CDC42SE2: variants seen among roughly 807,000 people sequenced by gnomAD.
CDC42SE2 encodes CDC42 small effector protein 2.
In CDC42SE2, 3 loss-of-function variants were observed where a neutral mutation model predicts 11.5. That is an observed-to-expected ratio of 0.26 (90% CI 0.12 to 0.67). The LOEUF (loss-of-function observed/expected upper bound fraction) is 0.67, where lower values mean the gene tolerates loss of function less well. CDC42SE2 is among the 30% of genes least tolerant of loss of function. The pLI is 0.80. For missense variants in CDC42SE2, 82 were observed against 106.8 expected (o/e 0.77, Z 1.02); for synonymous variants, 33 against 34.8 (o/e 0.95, Z 0.18).
chr5:131,310,528 T>C (rs1473269884), intron 1 of CDC42SE2, among the ~76,000 whole-genome samples: 2 of 151,990 alleles, frequency 1.3e-5, no homozygotes, highest in African/African-American at 4.8e-5. Flanking sequence ...CATTGATCTG[T>C]CTAATGTTGA....
At chr5:131,253,180 A>G (rs969377407) in intron 1 of CDC42SE2, 1 of 152,266 alleles carries the variant, frequency 6.6e-6, no homozygotes, top group African/African-American at 2.4e-5. Flanking sequence ...ATCCTAAAAA[A>G]AAAGAGAAGC....
intron 2 of CDC42SE2, among the ~76,000 whole-genome samples, chr5:131,257,490 T>G (rs1390771660): frequency 2.0e-5 from 3 of 151,646 alleles, no homozygotes; most frequent in Non-Finnish European, 4.4e-5. Context: ...TTTTTTTTTT[T>G]TTTTTGAGAC....
intron 2 of CDC42SE2, among the ~76,000 whole-genome samples, chr5:131,354,298 AT>A (rs1470175257): frequency 1.3e-5 from 2 of 152,224 alleles, no homozygotes; most frequent in African/African-American, 2.4e-5. Context: ...ACAAATAATT[AT>A]AAAGCAAATA....
intron 2 of CDC42SE2, among the ~76,000 whole-genome samples, chr5:131,330,127 A>G (rs1183697725): frequency 6.6e-6 from 1 of 152,036 alleles, no homozygotes; most frequent in African/African-American, 2.4e-5. Flanking sequence ...AAGCAGCTTT[A>G]TTTACACGTC....
At chr5:131,337,555 C>T (rs529524122) in intron 2 of CDC42SE2, among the ~76,000 whole-genome samples, 1 of 152,336 alleles carries the variant, frequency 6.6e-6, no homozygotes, top group East Asian at 1.9e-4. Flanking sequence ...TGTCTGTGCC[C>T]TGCCCCCAGA....
the CDC42SE2 span, among the ~76,000 whole-genome samples, chr5:131,226,376 A>T: frequency 6.6e-6 from 1 of 152,216 alleles, no homozygotes; most frequent in Non-Finnish European, 1.5e-5. Flanking sequence ...CCCTTAACAA[A>T]TTCCTACACT....
intron 2 of CDC42SE2, among the ~76,000 whole-genome samples, chr5:131,332,115 C>G (rs1353389136): frequency 6.6e-6 from 1 of 152,130 alleles, no homozygotes; most frequent in African/African-American, 2.4e-5. Context: ...TATCCCTCCC[C>G]ACTCCCCCCA....
At chr5:131,385,975 T>G (rs1750469732) in intron 4 of CDC42SE2, among the ~76,000 whole-genome samples, 1 of 152,228 alleles carries the variant, frequency 6.6e-6, no homozygotes, top group African/African-American at 2.4e-5. Flanking sequence ...CCAAAGAGAC[T>G]TGGATATCAG....
intron 1 of CDC42SE2, among the ~76,000 whole-genome samples, chr5:131,304,682 G>A (rs534404391): frequency 1.3e-5 from 2 of 152,236 alleles, no homozygotes; most frequent in Admixed American, 6.5e-5. Context: ...TATTATACTA[G>A]GTTAGTTAGA....
chr5:131,369,763 C>T (rs1036944285), intron 3 of CDC42SE2, among the ~76,000 whole-genome samples: 1 of 152,208 alleles, frequency 6.6e-6, no homozygotes, highest in South Asian at 2.1e-4. Flanking sequence ...CCCAGTTCCA[C>T]ACTTCCACAC....
chr5:131,302,370 G>A (rs566435066), intron 1 of CDC42SE2, among the ~76,000 whole-genome samples: 1 of 152,290 alleles, frequency 6.6e-6, no homozygotes, highest in Admixed American at 6.5e-5. Context: ...GTAGAAACAG[G>A]GTTTCTCCAT....
the CDC42SE2 span, among the ~76,000 whole-genome samples, chr5:131,213,935 T>C: frequency 3.9e-5 from 6 of 152,288 alleles, no homozygotes; most frequent in African/African-American, 1.4e-4. Context: ...TCTCCATTTA[T>C]TCAACCAAGA....
At chr5:131,351,136 G>A (rs182098097) in intron 2 of CDC42SE2, among the ~76,000 whole-genome samples, 22 of 151,998 alleles carry the variant, frequency 1.4e-4, no homozygotes, top group Admixed American at 9.8e-4. Context: ...TTGTAGAGAC[G>A]GGACTTTGCT....
chr5:131,358,025 C>A (rs527836039), intron 2 of CDC42SE2, among the ~76,000 whole-genome samples: 1 of 152,310 alleles, frequency 6.6e-6, no homozygotes, highest in Admixed American at 6.5e-5. Flanking sequence ...AACACCCAAA[C>A]CTCCTTAGTA....
At chr5:131,268,963 A>T (rs1329623568) in intron 1 of CDC42SE2, among the ~76,000 whole-genome samples, 2 of 151,630 alleles carry the variant, frequency 1.3e-5, no homozygotes, top group African/African-American at 4.9e-5. Context: ...GTTGGCCAGG[A>T]TGGTCTCGAT....
chr5:131,359,455 G>A lies in CDC42SE2; in HGVS notation c.-39G>A, dbSNP rs754294772. 13 of 1,547,506 alleles carry A rather than the reference G, an allele frequency of 8.4e-6. 1 individual carries two copies. The South Asian group carries it at 1.4e-4, about 17-fold the overall frequency. ...TTTGGAACTTCCCGAGTTGAGATTT[G>A]GAACCTTCATTGGTGCTCATTTACT... On this transcript the variant is annotated 5_prime_UTR_variant, in exon 3 of 5. Coordinates refer to ENST00000505065, the MANE Select transcript of CDC42SE2 (RefSeq NM_001375635.1).
chr5:131,345,834 G>A (rs1329918483), intron 2 of CDC42SE2, among the ~76,000 whole-genome samples: 1 of 152,136 alleles, frequency 6.6e-6, no homozygotes, highest in African/African-American at 2.4e-5. Flanking sequence ...AAGAGAGTGG[G>A]GGCCAATATT....
chr5:131,354,173 G>T (rs1235229970), intron 2 of CDC42SE2, among the ~76,000 whole-genome samples: 2 of 151,984 alleles, frequency 1.3e-5, no homozygotes, highest in Admixed American at 1.3e-4. Context: ...GGGAGGCAGA[G>T]GTTGCGGTGA....
chr5:131,245,177 C>T (rs1756570932), upstream of CDC42SE2, among the ~76,000 whole-genome samples: 1 of 152,186 alleles, frequency 6.6e-6, no homozygotes, highest in Non-Finnish European at 1.5e-5. Flanking sequence ...AGGCAACAAA[C>T]ATTCTTGAAT....
Sources: gnomAD v4.1 joint callset for allele counts (sites outside exome capture counted in the v4.1 genomes callset) on GRCh38, gnomAD v4.1.1 for gene constraint, MANE v1.5 for transcripts, NCBI Gene and HGNC (gene_info 2026-07-23, HGNC 2026-07-21) for gene names.